The following SLC7A14 variants were observed in gnomAD, a reference collection of about 807,000 sequenced individuals.
SLC7A14 encodes the protein gamma-aminobutyric acid transporter SLC7A14.
Under a neutral mutation model 60.2 loss-of-function variants are expected in SLC7A14, and 37 were observed. That is an observed-to-expected ratio of 0.61 (90% CI 0.47 to 0.81). SLC7A14 has a LOEUF of 0.81. Among genes scored for constraint, SLC7A14 ranks in the 30% least tolerant of loss-of-function variants. The pLI is 0.00. For missense variants in SLC7A14, 886 were observed against 982.7 expected (o/e 0.90, Z 1.32); for synonymous variants, 399 against 395.8 (o/e 1.01, Z -0.10).
chr3:170,540,750 ATGCCAGATGTTGTC>A (rs1430224963), intron 1 of SLC7A14, among the ~76,000 whole-genome samples: 1 of 152,206 alleles, frequency 6.6e-6, no homozygotes, highest in Non-Finnish European at 1.5e-5. Flanking sequence ...TCACAAAGGA[ATGCCAGATGTTGTC>A]TGGTGACTTT....
chr3:170,487,312 C>T (rs1356303755), intron 4 of SLC7A14, among the ~76,000 whole-genome samples: 3 of 150,822 alleles, frequency 2.0e-5, no homozygotes, highest in Admixed American at 6.6e-5. Flanking sequence ...TGAGGGTTCC[C>T]CACCTCAGTA....
intron 5 of SLC7A14, 98 bp downstream of exon 5, chr3:170,486,124 A>G: frequency 1.4e-6 from 2 of 1,465,300 alleles, no homozygotes; most frequent in Non-Finnish European, 1.8e-6. Context: ...AAAGACAGAC[A>G]CCAAGAAGAC....
At chr3:170,478,324 C>G (rs1285911232) in intron 7 of SLC7A14, among the ~76,000 whole-genome samples, 2 of 152,132 alleles carry the variant, frequency 1.3e-5, no homozygotes, top group Non-Finnish European at 2.9e-5. Flanking sequence ...GTGATCTGCC[C>G]TCCTCGGCCT....
chr3:170,481,299 T>G, intron 6 of SLC7A14, 133 bp from the exon 7 acceptor site: 1 of 900,212 alleles, frequency 1.1e-6, no homozygotes, highest in Non-Finnish European at 1.6e-6. Flanking sequence ...ACCAATTTAC[T>G]TCTGCATTCA....
intron 1 of SLC7A14, among the ~76,000 whole-genome samples, chr3:170,550,604 C>A (rs1714320318): frequency 7.0e-6 from 1 of 141,906 alleles, no homozygotes; most frequent in Non-Finnish European, 1.5e-5. Flanking sequence ...TCACTGCAAC[C>A]TCCGCCTCCC....
At chr3:170,505,802 C>T (rs1172387714) in intron 2 of SLC7A14, among the ~76,000 whole-genome samples, 2 of 151,812 alleles carry the variant, frequency 1.3e-5, no homozygotes, top group Non-Finnish European at 2.9e-5. Flanking sequence ...GCAGGAGAAT[C>T]GCTGCAACCT....
At position 170,578,368 on chromosome 3, in the gene SLC7A14, G is replaced by A. The variant is rs1050795264; in HGVS notation, c.-153+7543C>T. 4.7e-5 allele frequency among the ~76,000 whole-genome samples: 7 copies of A among 150,500 alleles called. No homozygotes were observed. The Admixed American group carries it at 4.7e-4, about 10-fold the overall frequency. ...GACTGAAGTTCTATTCACCATCTTG[G>A]TTGCTCTTCTAGTAAAAAATTGAGC... On this transcript the variant is annotated intron_variant, in intron 1 of 7. Transcript: ENST00000231706.
At chr3:170,491,489 AT>A (rs1427375628) in intron 4 of SLC7A14, among the ~76,000 whole-genome samples, 1 of 152,204 alleles carries the variant, frequency 6.6e-6, no homozygotes, top group Non-Finnish European at 1.5e-5. Context: ...TTCAAACAAA[AT>A]TTCAATGAGG....
chr3:170,523,988 C>G (rs1713415974), intron 2 of SLC7A14, among the ~76,000 whole-genome samples: 1 of 152,082 alleles, frequency 6.6e-6, no homozygotes, highest in African/African-American at 2.4e-5. Context: ...TTCCAAATGG[C>G]CTCAGTGGCT....
chr3:170,474,068 C>T (rs1711525938), intron 7 of SLC7A14, among the ~76,000 whole-genome samples: 1 of 152,130 alleles, frequency 6.6e-6, no homozygotes, highest in Non-Finnish European at 1.5e-5. Context: ...TAACAGCCCT[C>T]AACTAGAAAC....
At chr3:170,573,070 A>T (rs1387500050) in intron 1 of SLC7A14, among the ~76,000 whole-genome samples, 1 of 152,186 alleles carries the variant, frequency 6.6e-6, no homozygotes, top group Non-Finnish European at 1.5e-5. Context: ...AGTGAGAGTG[A>T]CTAACAGATT....
chr3:170,493,993 G>T (rs1172125120), intron 4 of SLC7A14, among the ~76,000 whole-genome samples: 2 of 152,148 alleles, frequency 1.3e-5, no homozygotes, highest in African/African-American at 4.8e-5. Context: ...TTTTTTCTTG[G>T]CCAATGACAA....
At chr3:170,584,043 T>C (rs763746564) in intron 1 of SLC7A14, among the ~76,000 whole-genome samples, 45 of 152,304 alleles carry the variant, frequency 3.0e-4, no homozygotes, top group Non-Finnish European at 4.4e-4. Context: ...TTGAATCCAA[T>C]CTCTGGAATC....
chr3:170,488,982 GCTGTAAGA>G (rs531497248), intron 4 of SLC7A14, among the ~76,000 whole-genome samples: 175 of 151,124 alleles, frequency 1.2e-3, no homozygotes, highest in African/African-American at 4.1e-3. Context: ...GCAATCATAG[GCTGTAAGA>G]CTACCCCTAG....
intron 1 of SLC7A14, among the ~76,000 whole-genome samples, chr3:170,554,049 C>T (rs139267759): frequency 5.3e-5 from 8 of 151,970 alleles, no homozygotes; most frequent in South Asian, 4.2e-4. Context: ...TGTTTCTCTC[C>T]GTATTTTTAA....
At chr3:170,492,976 T>C (rs575847708) in intron 4 of SLC7A14, among the ~76,000 whole-genome samples, 1 of 152,314 alleles carries the variant, frequency 6.6e-6, no homozygotes, top group East Asian at 1.9e-4. Context: ...GATTCAGATG[T>C]GGAGAACATG....
At chr3:170,546,324 A>G (rs934536346) in intron 1 of SLC7A14, among the ~76,000 whole-genome samples, 6 of 152,144 alleles carry the variant, frequency 3.9e-5, no homozygotes, top group Non-Finnish European at 8.8e-5. Context: ...AGGACAGTGA[A>G]AACTATGCAG....
chr3:170,545,854 C>T (rs1424975130), intron 1 of SLC7A14, among the ~76,000 whole-genome samples: 1 of 152,188 alleles, frequency 6.6e-6, no homozygotes, highest in Non-Finnish European at 1.5e-5. Flanking sequence ...TTTGAATAAA[C>T]CAACTTTATG....
intron 2 of SLC7A14, among the ~76,000 whole-genome samples, chr3:170,524,800 A>G (rs1713442330): frequency 6.6e-6 from 1 of 152,242 alleles, no homozygotes; most frequent in Admixed American, 6.5e-5. Flanking sequence ...AATTCTGAAG[A>G]AACCTCAACT....
Sources: gnomAD v4.1 joint callset for allele counts (sites outside exome capture counted in the v4.1 genomes callset) on GRCh38, gnomAD v4.1.1 for gene constraint, MANE v1.5 for transcripts, NCBI Gene and HGNC (gene_info 2026-07-23, HGNC 2026-07-21) for gene names.